PARD3: variants seen among roughly 807,000 people sequenced by gnomAD.
The protein encoded by PARD3 is par-3 family cell polarity regulator, also known as partitioning defective 3 homolog.
Under a neutral mutation model 155.4 loss-of-function variants are expected in PARD3, and 75 were observed. The ratio of observed to expected loss-of-function variants is 0.48; its 90% CI spans 0.40 to 0.58. The LOEUF (loss-of-function observed/expected upper bound fraction) is 0.58. Ranked by LOEUF, PARD3 falls within the 20% of genes least tolerant of loss-of-function variation. The probability of loss-of-function intolerance (pLI) is 0.00; values close to 1 mark genes in which losing one functional copy is unlikely to be tolerated. For synonymous variants in PARD3, 576 were observed against 610.5 expected (o/e 0.94, Z 0.83); for missense variants, 1,642 against 1,721.7 (o/e 0.95, Z 0.82).
chr10:34,325,222 C>T (rs1438573826), intron 19 of PARD3, among the ~76,000 whole-genome samples: 1 of 152,070 alleles, frequency 6.6e-6, no homozygotes, highest in African/African-American at 2.4e-5. Flanking sequence ...GTTGGCCAGG[C>T]TGGTCTCGAA....
intron 5 of PARD3, among the ~76,000 whole-genome samples, chr10:34,431,346 G>A (rs2075887510): frequency 6.6e-6 from 1 of 152,206 alleles, no homozygotes; most frequent in Non-Finnish European, 1.5e-5. Flanking sequence ...GAACAGAATT[G>A]ATTTTAAAGG....
At chr10:34,249,668 T>TGTCC (rs1252690265) in intron 22 of PARD3, among the ~76,000 whole-genome samples, 3 of 152,202 alleles carry the variant, frequency 2.0e-5, no homozygotes, top group African/African-American at 7.2e-5. Context: ...TCCAACCATA[T>TGTCC]GTCCCCCACC....
intron 21 of PARD3, among the ~76,000 whole-genome samples, chr10:34,281,448 C>T (rs1956154119): frequency 6.6e-6 from 1 of 152,124 alleles, no homozygotes; most frequent in Admixed American, 6.6e-5. Flanking sequence ...AGACCATACT[C>T]ATGGAGGCTC....
intron 21 of PARD3, among the ~76,000 whole-genome samples, chr10:34,275,423 T>C (rs1172552653): frequency 6.6e-6 from 1 of 152,214 alleles, no homozygotes; most frequent in Non-Finnish European, 1.5e-5. Context: ...AAGTTCATTC[T>C]AGAAATTAAT....
chr10:34,600,932 C>A lies in PARD3; in HGVS notation c.223-83773G>T, dbSNP rs1161226790. The stretch of plus-strand genomic sequence containing the variant: ...CCTCCCAAGCAGCTGAGACCACAAG[C>A]ACGTGCCACCATGCCCGCCCATTTT... On this transcript the variant is annotated intron_variant, in intron 2 of 24. Coordinates refer to ENST00000374788, the MANE Select transcript of PARD3 (RefSeq NM_001184785.2). Among the ~76,000 whole-genome samples, 4 of 150,984 alleles carry A rather than the reference C, an allele frequency of 2.6e-5. No individual in the cohort carries two copies. In the East Asian group the frequency reaches 7.8e-4, roughly 29 times the overall value.
Position 34,353,204 on chromosome 10 carries a change from C to T in PARD3, c.2068-5089G>A, listed in dbSNP as rs576478412. Among the ~76,000 whole-genome samples the T allele has an allele frequency of 1.1e-4, 16 of 152,314 alleles. No homozygotes were observed. The South Asian group carries it at 1.9e-3, about 18-fold the overall frequency. On this transcript the variant is annotated intron_variant, in intron 14 of 24. Coordinates refer to ENST00000374788, the MANE Select transcript of PARD3 (RefSeq NM_001184785.2). ...GGGCGCGTCTGCCTGGGCGCCACCC[C>T]GTCCGGGAGGTGGACCCAACAGCTC...
intron 22 of PARD3, among the ~76,000 whole-genome samples, chr10:34,194,627 T>C (rs1361639933): frequency 6.6e-6 from 1 of 151,792 alleles, no homozygotes; most frequent in African/African-American, 2.4e-5. Context: ...TTTTTTTTTT[T>C]TTTTTCTTAA....
chr10:34,753,652 G>C lies in PARD3; in HGVS notation c.121-57233C>G, dbSNP rs1291776500. On this transcript the variant is annotated intron_variant, in intron 1 of 24. Coordinates refer to ENST00000374788, the MANE Select transcript of PARD3 (RefSeq NM_001184785.2). ...TCCTCCCAGTAGCCCATCCCTGGAG[G>C]GCATGGCAGAGGGTTGTGTGAATTC... Among the ~76,000 whole-genome samples the C allele has an allele frequency of 2.0e-5, 3 of 152,164 alleles. No individual in the cohort carries two copies. In the East Asian group the frequency reaches 5.8e-4, roughly 29 times the overall value.
rs571338692 is a variant in PARD3 at position 34,737,452 on chromosome 10, A to T, written c.121-41033T>A. Among the ~76,000 whole-genome samples the T allele has an allele frequency of 6.6e-5, 10 of 152,312 alleles. No homozygotes were observed. The South Asian group carries it at 1.9e-3, about 28-fold the overall frequency. The stretch of plus-strand genomic sequence containing the variant: ...GAAAGACGTCTGCCCAACACTATGG[A>T]GCCGATTTTACCACAGAGGTGAAAA... On this transcript the variant is annotated intron_variant, in intron 1 of 24. Transcript: ENST00000374788.
intron 2 of PARD3, among the ~76,000 whole-genome samples, chr10:34,552,456 C>T (rs2084659588): frequency 6.6e-6 from 1 of 152,168 alleles, no homozygotes; most frequent in Admixed American, 6.5e-5. Context: ...GCCTGTAATC[C>T]TAACACTTTG....
chr10:34,494,766 ATTG>A (rs1424579069), intron 3 of PARD3, among the ~76,000 whole-genome samples: 6 of 152,158 alleles, frequency 3.9e-5, no homozygotes, highest in African/African-American at 1.2e-4. Flanking sequence ...TTTTTTAATA[ATTG>A]TTGTTCCCCT....
intron 2 of PARD3, among the ~76,000 whole-genome samples, chr10:34,569,024 G>C (rs527285337): frequency 2.0e-5 from 3 of 152,258 alleles, no homozygotes; most frequent in Admixed American, 2.0e-4. Flanking sequence ...TTCATGCTAA[G>C]TAAAAGTATT....
chr10:34,807,733 T>G (rs1160540622), intron 1 of PARD3, among the ~76,000 whole-genome samples: 1 of 151,948 alleles, frequency 6.6e-6, no homozygotes, highest in African/African-American at 2.4e-5. Context: ...CAGAATAGAG[T>G]ACAGAGACTA....
intron 22 of PARD3, among the ~76,000 whole-genome samples, chr10:34,241,576 A>G (rs1258357937): frequency 1.3e-5 from 2 of 152,238 alleles, no homozygotes; most frequent in Non-Finnish European, 2.9e-5. Flanking sequence ...AGAAGGAAAC[A>G]GACTGAGCTC....
At chr10:34,520,905 G>T (rs1460081386) in intron 2 of PARD3, among the ~76,000 whole-genome samples, 1 of 152,104 alleles carries the variant, frequency 6.6e-6, no homozygotes. Context: ...ATTTTGGATT[G>T]CTATACTTGA....
chr10:34,683,789 C>A (rs2093892436), intron 2 of PARD3, among the ~76,000 whole-genome samples: 1 of 152,124 alleles, frequency 6.6e-6, no homozygotes, highest in African/African-American at 2.4e-5. Context: ...GCCTGGCCCC[C>A]TCCGAACTCC....
intron 2 of PARD3, among the ~76,000 whole-genome samples, chr10:34,658,927 C>T (rs1430191827): frequency 1.3e-5 from 2 of 152,206 alleles, no homozygotes; most frequent in Non-Finnish European, 2.9e-5. Context: ...ATAAGTACAG[C>T]ATTTATAATT....
chr10:34,349,847 T>A (rs1436668448), intron 14 of PARD3, among the ~76,000 whole-genome samples: 7 of 152,164 alleles, frequency 4.6e-5, no homozygotes, highest in Non-Finnish European at 1.0e-4. Context: ...TTATAAAACT[T>A]CTTCTTGAGA....
In PARD3 at chr10:34,565,260, C is replaced by CTTTTTTTTTT. The variant is rs59606413; in HGVS notation, c.223-48111_223-48102dup. 2.5e-4 allele frequency among the ~76,000 whole-genome samples: 10 copies of CTTTTTTTTTT among 39,672 alleles called. 3 individuals carry two copies. The highest frequency in any genetic ancestry group is 1.1e-3 in the African/African-American group (10 of 9,066). 26.0% of individuals were successfully genotyped at this position (39,672 alleles called of 152,430 possible). On this transcript the variant is annotated intron_variant, in intron 2 of 24. Transcript: ENST00000374788. Reference sequence around the variant, plus strand: ...TCAGATAAAAGACAAAGGAGCAAGGCTTTTTTTTTTTTTTTTTTTTTTTTT... The same window carrying CTTTTTTTTTT: ...TCAGATAAAAGACAAAGGAGCAAGGCTTTTTTTTTTTTTTTTTTTTTTTTTTTTTTTTTTT...
Sources: allele counts gnomAD v4.1 joint callset (sites outside exome capture counted in the v4.1 genomes callset), GRCh38; gene constraint gnomAD v4.1.1; transcripts MANE v1.5; gene names NCBI Gene and HGNC (gene_info 2026-07-23, HGNC 2026-07-21).